Variants in NBAS observed in about 807,000 individuals in gnomAD.
NBAS encodes NBAS subunit of NRZ tethering complex, also known as NAG/BC035112 fusion.
A neutral mutation model predicts 302.5 loss-of-function variants in NBAS; 219 were observed. That is an observed-to-expected ratio of 0.72 (90% CI 0.65 to 0.81). The LOEUF (loss-of-function observed/expected upper bound fraction) is 0.81, where lower values mean the gene tolerates loss of function less well. NBAS is among the 30% of genes least tolerant of loss of function. The pLI is 0.00. For synonymous variants in NBAS, 1,118 were observed against 1,021.6 expected, an observed-to-expected ratio of 1.09 and a Z score of -1.80; for missense variants, 2,932 against 2,841.6, an observed-to-expected ratio of 1.03 and a Z score of -0.72.
chr2:14,850,323 A>C, the NBAS span, among the ~76,000 whole-genome samples: 19 of 113,074 alleles, frequency 1.7e-4, 3 homozygotes, highest in Non-Finnish European at 2.3e-4. Context: ...AGATCAAAAG[A>C]GACAAAGAAG....
At chr2:15,103,519 T>C in the NBAS span, among the ~76,000 whole-genome samples, 3 of 152,184 alleles carry the variant, frequency 2.0e-5, no homozygotes, top group African/African-American at 7.2e-5. Flanking sequence ...TCAATTTGGG[T>C]AATGGTTCTT....
the NBAS span, among the ~76,000 whole-genome samples, chr2:14,932,320 T>C: frequency 1.1e-3 from 173 of 152,326 alleles, no homozygotes; most frequent in African/African-American, 4.0e-3. Flanking sequence ...GAATGACAGA[T>C]AGAAGTCCAG....
chr2:14,898,068 C>T, the NBAS span, among the ~76,000 whole-genome samples: 1 of 152,164 alleles, frequency 6.6e-6, no homozygotes, highest in Non-Finnish European at 1.5e-5. Context: ...AGAACCTAGG[C>T]TTAAAGGCCT....
chr2:15,483,109 A>G (rs367700392), intron 12 of NBAS, among the ~76,000 whole-genome samples: 23 of 152,342 alleles, frequency 1.5e-4, no homozygotes, highest in African/African-American at 5.3e-4. Flanking sequence ...TACCACTAAA[A>G]TCTAAATATA....
chr2:15,022,097 G>A, the NBAS span, among the ~76,000 whole-genome samples: 16 of 152,274 alleles, frequency 1.1e-4, no homozygotes, highest in South Asian at 2.9e-3. Flanking sequence ...CCTCAGCTGC[G>A]GGGTGTCAAC....
rs1218644353 is a variant in NBAS at position 15,417,556 on chromosome 2, T to C, written c.2734A>G (p.Ile912Val). ...TLKELQQMKD[I>V]EKLRLLMNSC... Reference sequence around the variant, plus strand: ...TTCATCAGTAATCTTAGTTTTTCAATGTCTTTCATCTGCTGGAGTTCTTTC... The same window carrying C: ...TTCATCAGTAATCTTAGTTTTTCAACGTCTTTCATCTGCTGGAGTTCTTTC... The change falls in exon 24 of 52, where the codon ATT becomes GTT. Residue 912 changes from isoleucine to valine, a missense_variant. Ile to Val is a conservative substitution (Grantham distance 29). Transcript: ENST00000281513. 1.2e-6 allele frequency: 2 copies of C among 1,613,754 alleles called. No homozygotes were observed. The highest frequency in any genetic ancestry group is 1.7e-6 in the Non-Finnish European group (2 of 1,179,844).
At chr2:14,825,179 A>G in the NBAS span, among the ~76,000 whole-genome samples, 1 of 152,142 alleles carries the variant, frequency 6.6e-6, no homozygotes, top group East Asian at 1.9e-4. Flanking sequence ...GCTACTGAAC[A>G]AGGAACATCA....
chr2:15,378,765 T>C (rs1674880349), intron 30 of NBAS, among the ~76,000 whole-genome samples: 1 of 152,192 alleles, frequency 6.6e-6, no homozygotes, highest in Non-Finnish European at 1.5e-5. Flanking sequence ...ATATCACTTT[T>C]ACATTATCAT....
intron 47 of NBAS, among the ~76,000 whole-genome samples, chr2:15,230,481 C>A (rs1667337789): frequency 6.8e-6 from 1 of 146,904 alleles, no homozygotes; most frequent in African/African-American, 2.5e-5. Context: ...AAAGTAAGAT[C>A]TTGTTCTGTT....
the NBAS span, among the ~76,000 whole-genome samples, chr2:15,012,636 T>A: frequency 1.6e-4 from 24 of 152,102 alleles, no homozygotes; most frequent in African/African-American, 5.6e-4. Flanking sequence ...AGACAAAGCA[T>A]TCTTAAAACA....
the NBAS span, among the ~76,000 whole-genome samples, chr2:15,065,991 G>A: frequency 6.6e-6 from 1 of 152,096 alleles, no homozygotes; most frequent in Non-Finnish European, 1.5e-5. Context: ...ATATTACAAA[G>A]TTATAGTAAA....
At chr2:15,092,865 G>C in the NBAS span, among the ~76,000 whole-genome samples, 1 of 152,096 alleles carries the variant, frequency 6.6e-6, no homozygotes, top group Non-Finnish European at 1.5e-5. Flanking sequence ...TTTCAGAGCT[G>C]GTGAGTCACC....
chr2:15,546,060 T>C (rs1342099709), intron 6 of NBAS, among the ~76,000 whole-genome samples: 1 of 152,144 alleles, frequency 6.6e-6, no homozygotes, highest in African/African-American at 2.4e-5. Flanking sequence ...TCAGTAGAAA[T>C]GATCAAAAAA....
intron 6 of NBAS, 135 bp from the exon 7 acceptor site, chr2:15,539,491 C>A: frequency 9.2e-7 from 1 of 1,084,134 alleles, no homozygotes; most frequent in Non-Finnish European, 1.4e-6. Flanking sequence ...ATAAAGCTTC[C>A]CTCAATAAAA....
At chr2:15,098,508 T>C in the NBAS span, among the ~76,000 whole-genome samples, 1 of 121,574 alleles carries the variant, frequency 8.2e-6, no homozygotes, top group African/African-American at 3.3e-5. Context: ...TGTTATATAT[T>C]ATATATTGTA....
In NBAS at chr2:15,203,880, G is replaced by GTGTGCT. The variant is rs1558434358; in HGVS notation, c.6433-13478_6433-13477insAGCACA. Among the ~76,000 whole-genome samples, 32 of 131,066 alleles carry GTGTGCT rather than the reference G, an allele frequency of 2.4e-4. No homozygotes were observed. In the East Asian group the frequency reaches 2.9e-3, roughly 12 times the overall value. 86.0% of individuals were successfully genotyped at this position (131,066 alleles called of 152,430 possible). On this transcript the variant is annotated intron_variant, in intron 48 of 51. Coordinates refer to ENST00000281513, the MANE Select transcript of NBAS (RefSeq NM_015909.4). The stretch of plus-strand genomic sequence containing the variant: ...TGTGTGTGTCTGTGTCTGTGTGTGT[G>GTGTGCT]TGTGTGTGCTTGTGTGTGTGTGTGT...
At chr2:15,144,181 GCA>G in the NBAS span, among the ~76,000 whole-genome samples, 3 of 151,382 alleles carry the variant, frequency 2.0e-5, no homozygotes, top group Admixed American at 6.6e-5. Context: ...CAACACATAT[GCA>G]CACACAGTGT....
chr2:15,548,901 T>C (rs1182226872), intron 6 of NBAS, among the ~76,000 whole-genome samples: 1 of 152,130 alleles, frequency 6.6e-6, no homozygotes, highest in African/African-American at 2.4e-5. Context: ...CACTGTTTTG[T>C]ACTAGAACAT....
chr2:15,457,333 A>C (rs1679292439), intron 21 of NBAS, among the ~76,000 whole-genome samples: 1 of 152,242 alleles, frequency 6.6e-6, no homozygotes. Context: ...AGAAAAGAGC[A>C]AAATGAAACA....
Sources: gnomAD v4.1 joint callset for allele counts (sites outside exome capture counted in the v4.1 genomes callset) on GRCh38, gnomAD v4.1.1 for gene constraint, MANE v1.5 for transcripts, NCBI Gene and HGNC (gene_info 2026-07-23, HGNC 2026-07-21) for gene names.